The following SEPTIN9 variants were observed in gnomAD, a reference collection of about 807,000 sequenced individuals.
SEPTIN9 encodes the protein septin-9.
A neutral mutation model predicts 56.6 loss-of-function variants in SEPTIN9; 13 were observed. That is an observed-to-expected ratio of 0.23 (90% CI 0.15 to 0.37). SEPTIN9 has a LOEUF of 0.37. Ranked by LOEUF, SEPTIN9 falls within the 10% of genes least tolerant of loss-of-function variation. SEPTIN9 has a pLI of 1.00. For missense variants in SEPTIN9, 650 were observed against 823.1 expected (o/e 0.79, Z 2.57); for synonymous variants, 332 against 334.1 (o/e 0.99, Z 0.07).
Position 77,319,844 on chromosome 17 carries a change from T to G in SEPTIN9, c.76+12647T>G. The G allele has an allele frequency of 9.2e-7, 1 of 1,087,612 alleles. No homozygotes were observed. Among genetic ancestry groups the G allele is most frequent in the Non-Finnish European group, 1.1e-6 (1 of 892,230 alleles). The allele number at this position is 1,087,612 out of a possible 1,614,324, so 67.4% of individuals were successfully genotyped here. On this transcript the variant is annotated intron_variant, in intron 2 of 11. Coordinates refer to ENST00000427177, the MANE Select transcript of SEPTIN9 (RefSeq NM_001113491.2). The surrounding 1 kb of genome is among the most constrained non-coding windows in gnomAD (Gnocchi z 5.3). Reference sequence around the variant, plus strand: ...AGAGTCTAAGTTAAGCATCTCCAAGTGGATATTAAAAAGGAGCAGCAAGCC... The same window carrying G: ...AGAGTCTAAGTTAAGCATCTCCAAGGGGATATTAAAAAGGAGCAGCAAGCC...
intron 2 of SEPTIN9, among the ~76,000 whole-genome samples, chr17:77,364,873 C>T (rs1207594491): frequency 6.6e-6 from 1 of 152,278 alleles, no homozygotes; most frequent in Non-Finnish European, 1.5e-5. Context: ...GGGACAGTCT[C>T]AGCTGTGCAG....
rs1364802717 is a variant in SEPTIN9 at position 77,437,144 on chromosome 17, CGTGTGGCAGCTGCT to C, written c.721+34445_721+34458del. Among the ~76,000 whole-genome samples the C allele has an allele frequency of 6.6e-6, 1 of 152,232 alleles. No homozygotes were observed. Among genetic ancestry groups the C allele is most frequent in the Non-Finnish European group, 1.5e-5 (1 of 68,038 alleles). On this transcript the variant is annotated intron_variant, in intron 3 of 11. Transcript: ENST00000427177. The surrounding 1 kb of genome is among the most constrained non-coding windows in gnomAD (Gnocchi z 5.3). ...ATCAGCATCCCTGCCTTGACACCCC[CGTGTGGCAGCTGCT>C]GTGATTCTGTGACTCCTCCTCACCC...
chr17:77,460,899 G>T (rs1937344489), intron 3 of SEPTIN9, among the ~76,000 whole-genome samples: 1 of 152,170 alleles, frequency 6.6e-6, no homozygotes, highest in African/African-American at 2.4e-5. Context: ...CTGTGTTTCT[G>T]TTGCCATCCC....
Position 77,402,391 on chromosome 17 carries a change from G to A in SEPTIN9, c.409G>A (p.Val137Met). The stretch of plus-strand genomic sequence containing the variant: ...CCGGTTCGGGCTCAAGAGGGCCGAG[G>A]TGTTGGGCCACAAGACGCCAGAACC... Reference protein sequence around the residue: ...PSRFGLKRAEVLGHKTPEPAP... With the variant: ...PSRFGLKRAEMLGHKTPEPAP... The change falls in exon 3 of 12, where the codon GTG becomes ATG. Residue 137 changes from valine (V) to methionine (M), a missense_variant. Physicochemically the swap from Val to Met is conservative, Grantham distance 21. Around this residue, in one of 2 missense-constraint regions of SEPTIN9, gnomAD observed 317 missense variants for 329.1 expected, o/e 0.96. Coordinates refer to ENST00000427177, the MANE Select transcript of SEPTIN9 (RefSeq NM_001113491.2). This position sits in a 1 kb window ranked among gnomAD's most constrained non-coding sequence, Gnocchi z 6.6. 3 of 1,611,814 alleles carry A rather than the reference G, an allele frequency of 1.9e-6. No homozygotes were observed. Among genetic ancestry groups the A allele is most frequent in the Non-Finnish European group, 1.7e-6 (2 of 1,179,462 alleles).
At chr17:77,362,931 C>CA (rs2034460452) in intron 2 of SEPTIN9, among the ~76,000 whole-genome samples, 1 of 152,228 alleles carries the variant, frequency 6.6e-6, no homozygotes, top group Non-Finnish European at 1.5e-5. Context: ...GTGAGGGGCC[C>CA]ACCAGGCAGA....
intron 8 of SEPTIN9, among the ~76,000 whole-genome samples, chr17:77,491,634 T>C (rs1371919807): frequency 2.6e-5 from 4 of 151,536 alleles, no homozygotes; most frequent in Non-Finnish European, 4.4e-5. Flanking sequence ...TGAAACCCCA[T>C]CTCTACTAAA....
intron 3 of SEPTIN9, among the ~76,000 whole-genome samples, chr17:77,438,314 C>T (rs544000452): frequency 6.4e-4 from 97 of 152,300 alleles, no homozygotes; most frequent in Non-Finnish European, 9.6e-4. Context: ...AGCCAGGATT[C>T]GAACCCACGC....
At chr17:77,496,971 C>T (rs556650939) in intron 10 of SEPTIN9, 10 of 388,522 alleles carry the variant, frequency 2.6e-5, no homozygotes, top group Non-Finnish European at 3.9e-5. Context: ...CCCAGTGGTG[C>T]GGGGGCCCAC....
chr17:77,495,678 G>A (rs568728700), intron 10 of SEPTIN9, among the ~76,000 whole-genome samples: 37 of 152,184 alleles, frequency 2.4e-4, no homozygotes, highest in Admixed American at 4.6e-4. Context: ...GCCGGCTCTC[G>A]CTGCCCGTCA....
At chr17:77,325,737 C>T (rs753059334) in intron 2 of SEPTIN9, among the ~76,000 whole-genome samples, 1 of 152,226 alleles carries the variant, frequency 6.6e-6, no homozygotes, top group Non-Finnish European at 1.5e-5. Context: ...TCTCTGCCTC[C>T]GCTTCTGCCA....
chr17:77,487,514 G>A lies in SEPTIN9; in HGVS notation c.1004G>A (p.Arg335His), dbSNP rs369168996. ...TCGGTGCAGCCCACCTCAGAGGAGC[G>A]CATCCCCAAGACCATCGAGATCAAG... ...RKSVQPTSEE[R>H]IPKTIEIKSI... is the part of the protein sequence containing the mutation. Residue 335 changes from arginine (R) to histidine (H), a missense_variant, in exon 5 of 12, where the codon CGC becomes CAC. By Grantham distance (29) the Arg-to-His change is conservative. Around this residue, in one of 2 missense-constraint regions of SEPTIN9, gnomAD observed 333 missense variants for 494.0 expected, o/e 0.67. Coordinates refer to ENST00000427177, the MANE Select transcript of SEPTIN9 (RefSeq NM_001113491.2). The surrounding 1 kb of genome is among the most constrained non-coding windows in gnomAD (Gnocchi z 4.3). 7 of 1,613,352 alleles carry A rather than the reference G, an allele frequency of 4.3e-6. No individual in the cohort carries two copies. The highest frequency in any genetic ancestry group is 2.2e-5 in the East Asian group (1 of 44,886).
chr17:77,418,364 A>T (rs1312790363), intron 3 of SEPTIN9, among the ~76,000 whole-genome samples: 1 of 148,932 alleles, frequency 6.7e-6, no homozygotes, highest in African/African-American at 2.5e-5. Flanking sequence ...TTTTCTTAAG[A>T]TGGAGTTTTA....
At chr17:77,303,636 G>A (rs1015620335) in intron 1 of SEPTIN9, among the ~76,000 whole-genome samples, 6 of 151,792 alleles carry the variant, frequency 4.0e-5, no homozygotes, top group Admixed American at 2.6e-4. Context: ...AACTGAGATC[G>A]TGCCACTGCA....
chr17:77,384,842 AACACACACACAC>A (rs146495461), intron 2 of SEPTIN9, among the ~76,000 whole-genome samples: 6,015 of 142,200 alleles, frequency 0.042, 168 homozygotes, highest in East Asian at 0.13. Context: ...AACCTGTTTA[AACACACACACAC>A]ACACACACAC....
intron 3 of SEPTIN9, among the ~76,000 whole-genome samples, chr17:77,473,019 A>T (rs1418659236): frequency 1.3e-5 from 2 of 152,224 alleles, no homozygotes; most frequent in African/African-American, 4.8e-5. Context: ...ATGCAGTGAA[A>T]AGCAGAGTTG....
chr17:77,450,195 G>A lies in SEPTIN9; in HGVS notation c.722-31949G>A, dbSNP rs548303576. 5.9e-4 allele frequency among the ~76,000 whole-genome samples: 90 copies of A among 152,288 alleles called. No homozygotes were observed. The highest frequency in any genetic ancestry group is 2.1e-3 in the African/African-American group (87 of 41,554). On this transcript the variant is annotated intron_variant, in intron 3 of 11. Transcript: ENST00000427177. This position sits in a 1 kb window ranked among gnomAD's most constrained non-coding sequence, Gnocchi z 6.0. ...GTGGGAAGCGACGGGTCAGATGCCAGTGACTGCTGGCTGGGGAGCCGCTGG... is the reference window on the plus strand; with the variant it reads ...GTGGGAAGCGACGGGTCAGATGCCAATGACTGCTGGCTGGGGAGCCGCTGG...
intron 3 of SEPTIN9, among the ~76,000 whole-genome samples, chr17:77,458,277 C>G (rs1299009626): frequency 2.0e-5 from 3 of 152,214 alleles, no homozygotes; most frequent in Non-Finnish European, 4.4e-5. Context: ...TGGGCTGGAG[C>G]AAGGTTCCCA....
intron 2 of SEPTIN9, among the ~76,000 whole-genome samples, chr17:77,391,448 C>T (rs568799237): frequency 6.6e-6 from 1 of 152,294 alleles, no homozygotes; most frequent in African/African-American, 2.4e-5. Context: ...GTGGCTTTCT[C>T]CCCCTGTCTG....
At position 77,317,518 on chromosome 17, in the gene SEPTIN9, C is replaced by G. The variant is rs144413776; in HGVS notation, c.76+10321C>G. ...TGTGAGGGATCTAGGTTGCGTGCTTCTTATGAGAATCTGATGCCTGATGAT... is the reference window on the plus strand; with the variant it reads ...TGTGAGGGATCTAGGTTGCGTGCTTGTTATGAGAATCTGATGCCTGATGAT... On this transcript the variant is annotated intron_variant, in intron 2 of 11. Transcript: ENST00000427177. The surrounding 1 kb of genome is among the most constrained non-coding windows in gnomAD (Gnocchi z 4.2). 7.9e-5 allele frequency among the ~76,000 whole-genome samples: 12 copies of G among 152,296 alleles called. 1 individual carries two copies. The highest frequency in any genetic ancestry group is 2.9e-4 in the African/African-American group (12 of 41,560).
Sources: gnomAD v4.1 joint callset for allele counts (sites outside exome capture counted in the v4.1 genomes callset) on GRCh38, gnomAD v4.1.1 for gene constraint, gnomAD v4.1.1 regional missense constraint, Gnocchi (gnomAD v3.1) non-coding constraint, MANE v1.5 for transcripts, NCBI Gene and HGNC (gene_info 2026-07-23, HGNC 2026-07-21) for gene names.